The following PDE6B variants were observed in gnomAD, a reference collection of about 807,000 sequenced individuals.
PDE6B encodes the protein rod cGMP-specific 3',5'-cyclic phosphodiesterase subunit beta.
In PDE6B, 106 loss-of-function variants were observed where a neutral mutation model predicts 109.0. That is an observed-to-expected ratio of 0.97 (90% CI 0.83 to 1.14). The LOEUF is 1.14. Ranked by LOEUF, PDE6B falls within the 50% of genes most tolerant of loss-of-function variation. The pLI, the probability that PDE6B is intolerant of heterozygous loss-of-function variation, is 0.00. For missense variants in PDE6B, 1,193 were observed against 1,155.6 expected, an observed-to-expected ratio of 1.03 and a Z score of -0.47; for synonymous variants, 490 against 471.3, an observed-to-expected ratio of 1.04 and a Z score of -0.51.
intron 11 of PDE6B, 64 bp from the exon 12 acceptor site, chr4:660,403 A>T (rs931995146): frequency 6.5e-7 from 1 of 1,529,112 alleles, no homozygotes. Flanking sequence ...GAGAGAAGAA[A>T]GGATGAGAAG....
rs759208165 is a variant in PDE6B, at chr4:670,148, A to C, written c.*41A>C. 6.2e-7 allele frequency: 1 copy of C among 1,610,368 alleles called. No homozygotes were observed. The highest frequency in any genetic ancestry group is 8.5e-7 in the Non-Finnish European group (1 of 1,178,188). ...GGACCCTATGGCTCCCTCAATCTTC[A>C]CCCACTAGGATTTGGGTTCTGCCTG... On this transcript the variant is annotated 3_prime_UTR_variant, in exon 22 of 22. Transcript: ENST00000496514.
At position 653,963 on chromosome 4, in the gene PDE6B, G is replaced by C. The variant is rs199768318; in HGVS notation, c.823G>C (p.Val275Leu). The change falls in exon 4 of 22, where the codon GTG becomes CTG. Residue 275 changes from valine (V) to leucine (L), a missense_variant. Val to Leu is a conservative substitution (Grantham distance 32, BLOSUM62 1). Transcript: ENST00000496514. ...RAYLNCERYS[V>L]GLLDMTKEKE... is the part of the protein sequence containing the mutation. Reference sequence around the variant, plus strand: ...CTACCTCAACTGCGAGCGGTACTCCGTGGGCCTCCTGGACATGACCAAGGA... The same window carrying C: ...CTACCTCAACTGCGAGCGGTACTCCCTGGGCCTCCTGGACATGACCAAGGA... 1.9e-6 allele frequency: 3 copies of C among 1,613,878 alleles called. No individual in the cohort carries two copies. The Admixed American group carries it at 5.0e-5, about 27-fold the overall frequency.
intron 3 of PDE6B, chr4:653,446 G>A (rs569525568): frequency 6.5e-4 from 467 of 717,074 alleles, no homozygotes; most frequent in Non-Finnish European, 8.7e-4. Context: ...GACGCTTGGC[G>A]GAGGCCACAG....
At position 665,264 on chromosome 4, in the gene PDE6B, C is replaced by G; in HGVS notation, c.2203C>G (p.Leu735Val). The change falls in exon 19 of 22, where the codon CTC (leucine) becomes GTC (valine). Residue 735 changes from leucine to valine, a missense_variant. Leu to Val is a conservative substitution (Grantham distance 32). Coordinates refer to ENST00000496514, the MANE Select transcript of PDE6B (RefSeq NM_000283.4). This position sits in a 1 kb window ranked among gnomAD's most constrained non-coding sequence, Gnocchi z 4.0. ...CTTCCTGTGCCTCCAGGTCGCACTT[C>G]TCGTGGCTGCTGAGTTCTGGGAGCA... ...PWEVQSKVALLVAAEFWEQGD... is the reference protein window; with the variant it reads ...PWEVQSKVALVVAAEFWEQGD... 1 of 1,612,492 alleles carries G rather than the reference C, an allele frequency of 6.2e-7. No homozygotes were observed. Among genetic ancestry groups the G allele is most frequent in the Non-Finnish European group, 8.5e-7 (1 of 1,179,250 alleles).
chr4:660,447 G>A lies in PDE6B; in HGVS notation c.1468-20G>A. 4 of 1,613,308 alleles carry A rather than the reference G, an allele frequency of 2.5e-6. No individual in the cohort carries two copies. The highest frequency in any genetic ancestry group is 3.4e-6 in the Non-Finnish European group (4 of 1,179,712). ...GGCTGTGGCAGGCCAACCTCCCTCA[G>A]CCCACAATCCCTCCCACAGAAGGAG... On this transcript the variant is annotated intron_variant, in intron 11 of 21. Coordinates refer to ENST00000496514, the MANE Select transcript of PDE6B (RefSeq NM_000283.4).
chr4:655,490 TGAGTCCTA>T (rs1002267926), intron 6 of PDE6B: 106 of 317,550 alleles, frequency 3.3e-4, no homozygotes, highest in African/African-American at 2.0e-3. Context: ...GCACCAACGC[TGAGTCCTA>T]GAAAGCAGGC....
chr4:627,455 A>G (rs1734168539), intron 1 of PDE6B, among the ~76,000 whole-genome samples: 1 of 152,116 alleles, frequency 6.6e-6, no homozygotes, highest in Admixed American at 6.5e-5. Context: ...CGGAAGTGGC[A>G]ATCCTCTTAT....
intron 3 of PDE6B, among the ~76,000 whole-genome samples, chr4:641,750 G>A (rs573604991): frequency 5.3e-4 from 81 of 152,272 alleles, no homozygotes; most frequent in Non-Finnish European, 4.1e-4. Context: ...GGGTTCAAGC[G>A]ACTCTCCTGC....
chr4:638,310 T>G, intron 3 of PDE6B, among the ~76,000 whole-genome samples: 1 of 152,006 alleles, frequency 6.6e-6, no homozygotes, highest in Non-Finnish European at 1.5e-5. Flanking sequence ...ATTTGAAGAG[T>G]TTTGTTTTTA....
chr4:662,995 CCT>C lies in PDE6B; in HGVS notation c.1833-104_1833-103del, dbSNP rs1737290249. The C allele has an allele frequency of 7.9e-6, 6 of 756,018 alleles. No homozygotes were observed. Among genetic ancestry groups the C allele is most frequent in the Admixed American group, 7.4e-5 (4 of 54,188 alleles). The allele number at this position is 756,018 out of a possible 1,614,324, so 46.8% of individuals were successfully genotyped here. A position where few individuals can be genotyped will look rare whatever the true frequency, so the allele number is the denominator to read the frequency against. ...TCCAGAGTGGGTGACAGAGGCAGAC[CCT>C]GTCTCAAAAAAAAGAAAGTGGGGCC... On this transcript the variant is annotated intron_variant, in intron 14 of 21. Transcript: ENST00000496514. This position sits in a 1 kb window ranked among gnomAD's most constrained non-coding sequence, Gnocchi z 4.3.
intron 3 of PDE6B, chr4:653,308 G>T: frequency 9.7e-7 from 1 of 1,026,750 alleles, no homozygotes; most frequent in Non-Finnish European, 1.2e-6. Flanking sequence ...GTGGCCCAAG[G>T]AGGGCCCTGG....
rs564464170 is a variant in PDE6B at position 629,460 on chromosome 4, G to A, written c.468+3366G>A. On this transcript the variant is annotated intron_variant, in intron 1 of 21. Transcript: ENST00000496514. ...GCGGTTTCTGAGCCCAGCCCCAGCC[G>A]AACAGCCACGGACCCCGCAGTGCTG... Among the ~76,000 whole-genome samples, 40 of 152,286 alleles carry A rather than the reference G, an allele frequency of 2.6e-4. No homozygotes were observed. In the South Asian group the frequency reaches 5.4e-3, roughly 21 times the overall value.
intron 8 of PDE6B, 150 bp from the exon 9 acceptor site, chr4:656,724 G>A: frequency 2.8e-6 from 2 of 702,038 alleles, no homozygotes; most frequent in Non-Finnish European, 5.0e-6. Context: ...ATGCAGAGAG[G>A]GAGAGAGGGA....
In PDE6B at chr4:668,036, G is replaced by T. The variant is rs1167169882; in HGVS notation, c.2503+30G>T. The T allele has an allele frequency of 1.9e-6, 3 of 1,598,590 alleles. No individual in the cohort carries two copies. In the Admixed American group the frequency reaches 5.0e-5, roughly 27 times the overall value. ...GGCTCTGTGTGGCCTGTGGGGCAGG[G>T]ACTCGGTGACTCTCCCAAGGCAAAA... On this transcript the variant is annotated intron_variant, in intron 21 of 21. Coordinates refer to ENST00000496514, the MANE Select transcript of PDE6B (RefSeq NM_000283.4).
At chr4:629,889 C>A (rs1008823607) in intron 1 of PDE6B, among the ~76,000 whole-genome samples, 9 of 152,118 alleles carry the variant, frequency 5.9e-5, no homozygotes, top group African/African-American at 1.2e-4. Flanking sequence ...CACACAGCCC[C>A]CAGGCCTGCT....
At chr4:649,301 C>T (rs916571762) in intron 3 of PDE6B, among the ~76,000 whole-genome samples, 1 of 152,140 alleles carries the variant, frequency 6.6e-6, no homozygotes, top group African/African-American at 2.4e-5. Flanking sequence ...TCTCAGAATG[C>T]CTGAGGATTC....
Position 662,223 on chromosome 4 carries a change from G to A in PDE6B, c.1704G>A (p.Thr568=), listed in dbSNP as rs143615664. ...GCCACGGCTTCAACGTGGCCCAGAC[G>A]ATGTTCACGCTGCTCATGGTACGTG... is the stretch of plus-strand genomic sequence containing the variant. The part of the protein sequence containing the change: ...NWRHGFNVAQ[T]MFTLLMTGKL... Residue 568 remains threonine, a synonymous_variant, in exon 13 of 22, where the codon ACG becomes ACA. Coordinates refer to ENST00000496514, the MANE Select transcript of PDE6B (RefSeq NM_000283.4). This position sits in a 1 kb window ranked among gnomAD's most constrained non-coding sequence, Gnocchi z 4.3. 26 of 1,562,738 alleles carry A rather than the reference G, an allele frequency of 1.7e-5. No homozygotes were observed. Among genetic ancestry groups the A allele is most frequent in the East Asian group, 2.4e-5 (1 of 42,548 alleles).
chr4:654,957 C>T (rs1306934262), intron 6 of PDE6B, 69 bp downstream of exon 6: 3 of 926,998 alleles, frequency 3.2e-6, no homozygotes, highest in Non-Finnish European at 5.4e-6. Flanking sequence ...GCTCAGCCCC[C>T]AGGGCCGTCC....
intron 3 of PDE6B, 51 bp from the exon 4 acceptor site, chr4:653,801 G>A (rs558123358): frequency 1.1e-5 from 17 of 1,604,870 alleles, no homozygotes; most frequent in African/African-American, 4.0e-5. Context: ...TGGTCAGACC[G>A]GCGTGAGGGT....
Sources: allele counts gnomAD v4.1 joint callset (sites outside exome capture counted in the v4.1 genomes callset), GRCh38; gene constraint gnomAD v4.1.1; non-coding constraint Gnocchi (gnomAD v3.1); transcripts MANE v1.5; gene names NCBI Gene and HGNC (gene_info 2026-07-23, HGNC 2026-07-21).